Variants in RAI1 observed in about 807,000 individuals in gnomAD.
The protein encoded by RAI1 is retinoic acid induced 1, also known as retinoic acid-induced protein 1.
In RAI1, 9 loss-of-function variants were observed where a neutral mutation model predicts 123.8. That is an observed-to-expected ratio of 0.07 (90% CI 0.04 to 0.13). The LOEUF (loss-of-function observed/expected upper bound fraction) is 0.13. Among genes scored for constraint, RAI1 ranks in the 10% least tolerant of loss-of-function variants. The pLI is 1.00. For missense variants in RAI1, 2,256 were observed against 2,545.8 expected (o/e 0.89, Z 2.45); for synonymous variants, 1,231 against 1,127.3 (o/e 1.09, Z -1.84).
intron 2 of RAI1, among the ~76,000 whole-genome samples, chr17:17,779,771 CTTTTT>C (rs35262127): frequency 9.3e-6 from 1 of 107,956 alleles, no homozygotes; most frequent in African/African-American, 3.8e-5. Flanking sequence ...CCTCCCCACC[CTTTTT>C]TTTTTTTTTT....
chr17:17,748,381 C>T (rs1598051529), intron 2 of RAI1, among the ~76,000 whole-genome samples: 1 of 152,300 alleles, frequency 6.6e-6, no homozygotes, highest in Middle Eastern at 3.4e-3. Context: ...GGGAAGACTT[C>T]CTGAAGGAGG....
At position 17,797,294 on chromosome 17, in the gene RAI1, G is replaced by T; in HGVS notation, c.4346G>T (p.Arg1449Leu). Reference protein sequence around the residue: ...GTALAPKKRSRKGRAGAHGLS... With the variant: ...GTALAPKKRSLKGRAGAHGLS... ...GCCCTGGCGCCTAAGAAGAGGAGCCGGAAAGGCCGGGCAGGGGCCCATGGA... is the reference window on the plus strand; with the variant it reads ...GCCCTGGCGCCTAAGAAGAGGAGCCTGAAAGGCCGGGCAGGGGCCCATGGA... Residue 1449 changes from arginine (R) to leucine (L), a missense_variant, in exon 3 of 6, where the codon CGG (arginine) becomes CTG (leucine). This residue lies in a region of RAI1 where 410 missense variants were observed against 374.6 expected (regional missense o/e 1.09). Coordinates refer to ENST00000353383, the MANE Select transcript of RAI1 (RefSeq NM_030665.4). 2 of 1,612,742 alleles carry T rather than the reference G, an allele frequency of 1.2e-6. No individual in the cohort carries two copies. The highest frequency in any genetic ancestry group is 1.7e-6 in the Non-Finnish European group (2 of 1,179,978).
rs1040249146 is a variant in RAI1, at chr17:17,797,059, G to T, written c.4111G>T (p.Ala1371Ser). The T allele has an allele frequency of 3.1e-6, 5 of 1,613,824 alleles. No individual in the cohort carries two copies. The highest frequency in any genetic ancestry group is 1.1e-5 in the South Asian group (1 of 91,086). Residue 1371 changes from alanine to serine, a missense_variant, in exon 3 of 6, where the codon GCT becomes TCT. Physicochemically the swap from Ala to Ser is moderately conservative, Grantham distance 99. Around this residue, in one of 7 missense-constraint regions of RAI1, gnomAD observed 322 missense variants for 358.0 expected, o/e 0.90. Transcript: ENST00000353383. ...LSDKDRGLKG[A>S]GGSPVGVEEG... is the part of the protein sequence containing the mutation. ...CGACAAAGACCGTGGGCTCAAGGGT[G>T]CTGGGGGCAGCCCAGTGGGGGTGGA...
At chr17:17,738,601 G>C (rs1358940253) in intron 2 of RAI1, among the ~76,000 whole-genome samples, 1 of 152,204 alleles carries the variant, frequency 6.6e-6, no homozygotes, top group East Asian at 1.9e-4. Context: ...AATGAGCCTG[G>C]GGTCCACCCC....
chr17:17,797,724 C>A lies in RAI1; in HGVS notation c.4776C>A (p.Thr1592=). The change falls in exon 3 of 6, where the codon ACC becomes ACA. Residue 1592 remains threonine (T), a synonymous_variant. Coordinates refer to ENST00000353383, the MANE Select transcript of RAI1 (RefSeq NM_030665.4). ...AGCGGCTGAGGTCAGACAGCCGGAC[C>A]CCCGCCTTCTCACCCTTCGTGCGGG... ...SCKRLRSDSR[T]PAFSPFVRVE... is the part of the protein sequence containing the mutation. 6.2e-7 allele frequency: 1 copy of A among 1,613,770 alleles called. No homozygotes were observed.
intron 1 of RAI1, among the ~76,000 whole-genome samples, chr17:17,709,296 T>C (rs1457806136): frequency 6.6e-6 from 1 of 152,198 alleles, no homozygotes; most frequent in Non-Finnish European, 1.5e-5. Context: ...GCTTTGCTGT[T>C]TGCTGTCTGC....
chr17:17,728,810 A>G (rs1469100446), intron 2 of RAI1, among the ~76,000 whole-genome samples: 2 of 152,182 alleles, frequency 1.3e-5, no homozygotes, highest in Admixed American at 1.3e-4. Context: ...TGGGAGCCCC[A>G]GATTGGACCC....
intron 2 of RAI1, among the ~76,000 whole-genome samples, chr17:17,767,727 G>C (rs981410980): frequency 6.6e-6 from 1 of 152,240 alleles, no homozygotes; most frequent in Non-Finnish European, 1.5e-5. Flanking sequence ...TCTCTGCAGG[G>C]AGAGACTGAA....
intron 2 of RAI1, among the ~76,000 whole-genome samples, chr17:17,757,210 G>T (rs534655015): frequency 2.6e-5 from 4 of 152,322 alleles, no homozygotes; most frequent in Admixed American, 2.6e-4. Context: ...GAGGTGTTGG[G>T]TGCTCAGCCC....
chr17:17,743,192 G>A (rs1598048390), intron 2 of RAI1, among the ~76,000 whole-genome samples: 1 of 152,316 alleles, frequency 6.6e-6, no homozygotes, highest in East Asian at 1.9e-4. Context: ...ATCTCACTAT[G>A]TTGCCCAGGC....
At chr17:17,780,280 G>A (rs1241861740) in intron 2 of RAI1, among the ~76,000 whole-genome samples, 2 of 151,884 alleles carry the variant, frequency 1.3e-5, no homozygotes, top group East Asian at 3.9e-4. Context: ...TTGCCAGGCT[G>A]GTCTCAAACT....
rs376386577 is a variant in RAI1, at chr17:17,762,243, G to C, written c.-16-30690G>C. ...TTCCCTTAGGCAGGGCAGTCAGGGA[G>C]GGCTTCTCAGATGAGGTGACTGGGC... On this transcript the variant is annotated intron_variant, in intron 2 of 5. Transcript: ENST00000353383. 4.7e-4 allele frequency among the ~76,000 whole-genome samples: 72 copies of C among 152,156 alleles called. 1 individual carries two copies. Among genetic ancestry groups the C allele is most frequent in the African/African-American group, 1.6e-3 (68 of 41,438 alleles).
At chr17:17,752,661 A>G (rs2030252031) in intron 2 of RAI1, among the ~76,000 whole-genome samples, 1 of 152,178 alleles carries the variant, frequency 6.6e-6, no homozygotes, top group Non-Finnish European at 1.5e-5. Context: ...CAGGCACTGC[A>G]GACGTGTCCC....
chr17:17,718,618 A>G (rs1915784547), intron 1 of RAI1, among the ~76,000 whole-genome samples: 1 of 152,170 alleles, frequency 6.6e-6, no homozygotes. Flanking sequence ...CGTATACCAA[A>G]GGAGATATGT....
intron 2 of RAI1, among the ~76,000 whole-genome samples, chr17:17,772,418 T>C (rs552958977): frequency 1.3e-5 from 2 of 152,318 alleles, no homozygotes; most frequent in East Asian, 3.9e-4. Flanking sequence ...CCTGCCTCAC[T>C]GCAGCCACTG....
intron 1 of RAI1, among the ~76,000 whole-genome samples, chr17:17,701,803 T>C (rs1459695469): frequency 6.6e-6 from 1 of 152,186 alleles, no homozygotes; most frequent in Admixed American, 6.5e-5. Flanking sequence ...CTCCTCCCTT[T>C]GTGCGTCTCA....
Position 17,796,155 on chromosome 17 carries a change from C to A in RAI1, c.3207C>A (p.Pro1069=). 6.4e-7 allele frequency: 1 copy of A among 1,565,278 alleles called. No individual in the cohort carries two copies. The highest frequency in any genetic ancestry group is 2.3e-5 in the East Asian group (1 of 43,344). The change falls in exon 3 of 6, where the codon CCC becomes CCA. Residue 1069 remains proline, a synonymous_variant. Coordinates refer to ENST00000353383, the MANE Select transcript of RAI1 (RefSeq NM_030665.4). This position sits in a 1 kb window ranked among gnomAD's most constrained non-coding sequence, Gnocchi z 5.8. ...SLTALSEPRT[P]GPPGLTTTPA... is the part of the protein sequence containing the mutation. The stretch of plus-strand genomic sequence containing the variant: ...CGGCCCTGAGTGAGCCCCGCACGCC[C>A]GGACCCCCAGGCCTGACCACCACCC...
At chr17:17,725,119 G>A (rs918123089) in intron 2 of RAI1, among the ~76,000 whole-genome samples, 8 of 151,986 alleles carry the variant, frequency 5.3e-5, no homozygotes, top group Non-Finnish European at 8.8e-5. Flanking sequence ...GGATGGCGCC[G>A]GGGCAGGGAG....
chr17:17,789,493 T>A (rs1030284022), intron 2 of RAI1, among the ~76,000 whole-genome samples: 4 of 152,218 alleles, frequency 2.6e-5, no homozygotes, highest in African/African-American at 7.2e-5. Context: ...CCGCTGGCCT[T>A]GCACCGTAGG....
Sources: allele counts gnomAD v4.1 joint callset (sites outside exome capture counted in the v4.1 genomes callset), GRCh38; gene constraint gnomAD v4.1.1; regional missense constraint gnomAD v4.1.1; non-coding constraint Gnocchi (gnomAD v3.1); transcripts MANE v1.5; gene names NCBI Gene and HGNC (gene_info 2026-07-23, HGNC 2026-07-21).